The following RGS6 variants were observed in gnomAD, a reference collection of about 807,000 sequenced individuals.
The protein encoded by RGS6 is regulator of G-protein signaling 6.
A neutral mutation model predicts 78.5 loss-of-function variants in RGS6; 30 were observed. The ratio of observed to expected loss-of-function variants is 0.38; its 90% CI spans 0.29 to 0.52. The LOEUF (loss-of-function observed/expected upper bound fraction) is 0.52, where lower values mean the gene tolerates loss of function less well. RGS6 is among the 20% of genes least tolerant of loss of function. The pLI, the probability that RGS6 is intolerant of heterozygous loss-of-function variation, is 0.85. For synonymous variants in RGS6, 206 were observed against 206.0 expected (o/e 1.00, Z 0.00); for missense variants, 495 against 609.7 (o/e 0.81, Z 1.98).
intron 2 of RGS6, among the ~76,000 whole-genome samples, chr14:72,323,820 A>C (rs1215004322): frequency 2.1e-5 from 3 of 144,526 alleles, no homozygotes; most frequent in Non-Finnish European, 4.5e-5. Context: ...AAAAAAAAAA[A>C]AAAAAAAAAA....
intron 2 of RGS6, among the ~76,000 whole-genome samples, chr14:72,166,110 ACACACAC>A (rs2096922561): frequency 6.6e-6 from 1 of 151,226 alleles, no homozygotes; most frequent in Admixed American, 6.6e-5. Flanking sequence ...ACACACACAC[ACACACAC>A]ACACACACAC....
intron 13 of RGS6, among the ~76,000 whole-genome samples, chr14:72,509,298 G>A (rs2096849991): frequency 6.6e-6 from 1 of 151,582 alleles, no homozygotes. Context: ...CCGGCGGGCA[G>A]AGGTTGCAGT....
At chr14:72,449,544 G>C (rs963795138) in intron 3 of RGS6, among the ~76,000 whole-genome samples, 2 of 152,152 alleles carry the variant, frequency 1.3e-5, no homozygotes, top group South Asian at 4.1e-4. Context: ...TGAATTTTAT[G>C]AGTGTCTGCC....
At chr14:72,469,317 C>T (rs1156919972) in intron 7 of RGS6, among the ~76,000 whole-genome samples, 1 of 151,896 alleles carries the variant, frequency 6.6e-6, no homozygotes, top group African/African-American at 2.4e-5. Flanking sequence ...AGCGACTCTC[C>T]TCCCTCAGTC....
chr14:71,918,076 G>A, the RGS6 span, among the ~76,000 whole-genome samples: 30 of 151,458 alleles, frequency 2.0e-4, no homozygotes, highest in Admixed American at 6.6e-5. Context: ...AGCTACTCGG[G>A]AGGCTGAGGC....
At chr14:72,559,435 C>T (rs1056134397) in intron 17 of RGS6, among the ~76,000 whole-genome samples, 15 of 152,204 alleles carry the variant, frequency 9.9e-5, no homozygotes, top group African/African-American at 3.4e-4. Flanking sequence ...GCATGATTAA[C>T]CGCCTTCCAG....
the RGS6 span, among the ~76,000 whole-genome samples, chr14:71,921,834 A>G: frequency 7.2e-5 from 11 of 152,142 alleles, no homozygotes; most frequent in African/African-American, 2.7e-4. Flanking sequence ...TACAAAAGCG[A>G]TTTTTGATAG....
At chr14:71,972,096 G>A (rs2093849117) in intron 2 of RGS6, among the ~76,000 whole-genome samples, 2 of 151,824 alleles carry the variant, frequency 1.3e-5, no homozygotes, top group Admixed American at 6.6e-5. Flanking sequence ...ATGTTGTTTT[G>A]CTGTACCCAT....
At chr14:72,126,134 T>G (rs2094945806) in intron 2 of RGS6, among the ~76,000 whole-genome samples, 1 of 152,200 alleles carries the variant, frequency 6.6e-6, no homozygotes, top group African/African-American at 2.4e-5. Context: ...ACTTAGATAC[T>G]TTGAGAAGTT....
At chr14:71,875,452 C>G in the RGS6 span, among the ~76,000 whole-genome samples, 2 of 152,202 alleles carry the variant, frequency 1.3e-5, no homozygotes, top group East Asian at 1.9e-4. Flanking sequence ...ATAGTATTCT[C>G]TGATGGTAGT....
intron 2 of RGS6, among the ~76,000 whole-genome samples, chr14:72,255,819 G>A (rs1197002172): frequency 1.3e-5 from 2 of 152,100 alleles, no homozygotes; most frequent in African/African-American, 2.4e-5. Context: ...TTACTAAATA[G>A]AAGTTTCTCA....
At chr14:72,382,182 A>ATATT (rs1566680474) in intron 3 of RGS6, among the ~76,000 whole-genome samples, 1 of 152,156 alleles carries the variant, frequency 6.6e-6, no homozygotes. Flanking sequence ...TTGGAAGAAG[A>ATATT]TATTTGCAGC....
chr14:72,480,750 G>C (rs1299761092), intron 12 of RGS6, among the ~76,000 whole-genome samples: 2 of 152,142 alleles, frequency 1.3e-5, no homozygotes, highest in Non-Finnish European at 2.9e-5. Context: ...AGCTCTCTCA[G>C]GTGGGCACGC....
At chr14:72,042,235 C>G (rs965621786) in intron 2 of RGS6, among the ~76,000 whole-genome samples, 1 of 150,186 alleles carries the variant, frequency 6.7e-6, no homozygotes, top group African/African-American at 2.4e-5. Context: ...TCAAGCAATT[C>G]TCCTGCCTCA....
intron 12 of RGS6, among the ~76,000 whole-genome samples, chr14:72,479,414 T>C (rs1296826865): frequency 1.3e-5 from 2 of 152,168 alleles, no homozygotes; most frequent in East Asian, 3.8e-4. Context: ...CTATGAATTA[T>C]AGGATAGTTA....
At chr14:72,121,909 A>G (rs144069069) in intron 2 of RGS6, among the ~76,000 whole-genome samples, 28 of 152,244 alleles carry the variant, frequency 1.8e-4, no homozygotes, top group Admixed American at 5.2e-4. Flanking sequence ...ACCATCATCA[A>G]AAATGTCTGA....
At chr14:72,089,491 T>G (rs2095185852) in intron 2 of RGS6, among the ~76,000 whole-genome samples, 1 of 152,250 alleles carries the variant, frequency 6.6e-6, no homozygotes, top group African/African-American at 2.4e-5. Flanking sequence ...ACTGGATTAA[T>G]TAGTCTACAA....
intron 2 of RGS6, among the ~76,000 whole-genome samples, chr14:72,157,456 G>A (rs2096788845): frequency 6.6e-6 from 1 of 152,218 alleles, no homozygotes; most frequent in African/African-American, 2.4e-5. Flanking sequence ...TTGACTACCA[G>A]TAGCAGCAGA....
At chr14:72,351,671 T>C (rs1283912477) in intron 2 of RGS6, among the ~76,000 whole-genome samples, 2 of 152,242 alleles carry the variant, frequency 1.3e-5, no homozygotes, top group Admixed American at 6.5e-5. Flanking sequence ...TATGTTAACA[T>C]ATTATATTGA....
Sources: allele counts gnomAD v4.1 joint callset (sites outside exome capture counted in the v4.1 genomes callset), GRCh38; gene constraint gnomAD v4.1.1; transcripts MANE v1.5; gene names NCBI Gene and HGNC (gene_info 2026-07-23, HGNC 2026-07-21).